NRXN1: variants seen among roughly 807,000 people sequenced by gnomAD.
NRXN1 encodes neurexin-1.
NRXN1 carries 39 observed loss-of-function variants against 150.9 expected under a neutral mutation model. The observed-to-expected ratio is 0.26, with a 90% confidence interval of 0.20 to 0.34. NRXN1 has a LOEUF of 0.34. Among genes scored for constraint, NRXN1 ranks in the 10% least tolerant of loss-of-function variants. The probability of loss-of-function intolerance (pLI) is 1.00; values close to 1 mark genes in which losing one functional copy is unlikely to be tolerated. For synonymous variants in NRXN1, 924 were observed against 757.0 expected, an observed-to-expected ratio of 1.22 and a Z score of -3.62; for missense variants, 1,815 against 1,949.9, an observed-to-expected ratio of 0.93 and a Z score of 1.30.
chr2:50,206,054 A>G (rs569442630), intron 18 of NRXN1, among the ~76,000 whole-genome samples: 1 of 152,206 alleles, frequency 6.6e-6, no homozygotes, highest in African/African-American at 2.4e-5. Flanking sequence ...ACATTGAGTA[A>G]ATCACATTGT....
At chr2:51,020,764 A>G (rs1558599694) in intron 2 of NRXN1, among the ~76,000 whole-genome samples, 3 of 151,990 alleles carry the variant, frequency 2.0e-5, no homozygotes, top group Admixed American at 1.3e-4. Context: ...TAAGATGTAA[A>G]GTCCCACCTG....
intron 15 of NRXN1, among the ~76,000 whole-genome samples, chr2:50,483,241 T>C (rs926354213): frequency 3.3e-5 from 5 of 152,032 alleles, no homozygotes; most frequent in Non-Finnish European, 5.9e-5. Context: ...TTACCCTATA[T>C]GGCTTAAAAA....
intron 5 of NRXN1, among the ~76,000 whole-genome samples, chr2:50,790,083 T>C (rs1187104138): frequency 1.3e-5 from 2 of 151,950 alleles, no homozygotes; most frequent in African/African-American, 4.8e-5. Context: ...AGTATCAGCC[T>C]AAAAGGCCAA....
intron 17 of NRXN1, among the ~76,000 whole-genome samples, chr2:50,375,032 A>G (rs2080378531): frequency 1.3e-5 from 2 of 152,196 alleles, no homozygotes; most frequent in Non-Finnish European, 2.9e-5. Context: ...CAGTGCCCTA[A>G]AAATAAGTGC....
intron 16 of NRXN1, among the ~76,000 whole-genome samples, chr2:50,471,431 T>G (rs1003599615): frequency 4.0e-5 from 6 of 151,858 alleles, no homozygotes; most frequent in African/African-American, 1.4e-4. Flanking sequence ...ACAAAAGACA[T>G]TATTTTGTTC....
chr2:50,093,138 C>T (rs2152699991), intron 18 of NRXN1, among the ~76,000 whole-genome samples: 1 of 152,078 alleles, frequency 6.6e-6, no homozygotes, highest in East Asian at 1.9e-4. Flanking sequence ...TTAAAAAAAT[C>T]TCCATAAGTC....
chr2:50,593,955 A>C lies in NRXN1; in HGVS notation c.1320+26067T>G, dbSNP rs372743439. The stretch of plus-strand genomic sequence containing the variant: ...ATTGTAAAAAAGAAATATATTAATA[A>C]ACATTGATACATTATTTTGAAATTG... On this transcript the variant is annotated intron_variant, in intron 8 of 22. Coordinates refer to ENST00000401669, the MANE Select transcript of NRXN1 (RefSeq NM_001330078.2). Among the ~76,000 whole-genome samples the C allele has an allele frequency of 5.3e-5, 8 of 152,356 alleles. 1 individual carries two copies. The highest frequency in any genetic ancestry group is 1.9e-4 in the African/African-American group (8 of 41,582).
chr2:50,814,757 T>C (rs1056718492), intron 5 of NRXN1, among the ~76,000 whole-genome samples: 2 of 152,236 alleles, frequency 1.3e-5, no homozygotes, highest in African/African-American at 4.8e-5. Flanking sequence ...AGGTATTTGA[T>C]ACATTTTATT....
intron 8 of NRXN1, among the ~76,000 whole-genome samples, chr2:50,565,657 T>A (rs537693150): frequency 1.3e-5 from 2 of 152,296 alleles, no homozygotes; most frequent in African/African-American, 4.8e-5. Flanking sequence ...TATTTTTTTT[T>A]AATTAAACAC....
chr2:50,218,106 C>T (rs2063528804), intron 18 of NRXN1, among the ~76,000 whole-genome samples: 1 of 152,016 alleles, frequency 6.6e-6, no homozygotes, highest in African/African-American at 2.4e-5. Context: ...TTATATGCTA[C>T]TATTATAAAT....
In NRXN1 at chr2:49,920,040, C is replaced by T. The variant is rs1449893403; in HGVS notation, c.*1904G>A. ...GTAATGCAACCAATTTTTCCTGAAA[C>T]ATCAACTTGCAATGTAATAATGCAT... is the stretch of plus-strand genomic sequence containing the variant. On this transcript the variant is annotated 3_prime_UTR_variant, in exon 23 of 23. Transcript: ENST00000401669. 6.6e-6 allele frequency: 1 copy of T among 152,134 alleles called. No homozygotes were observed. The highest frequency in any genetic ancestry group is 2.4e-5 in the African/African-American group (1 of 41,440). 9.4% of individuals were successfully genotyped at this position (152,134 alleles called of 1,614,324 possible).
chr2:50,690,140 G>T (rs1691865788), intron 5 of NRXN1, among the ~76,000 whole-genome samples: 2 of 152,064 alleles, frequency 1.3e-5, no homozygotes, highest in Non-Finnish European at 2.9e-5. Context: ...GCCTGCCTTA[G>T]CTTGTATTTT....
At chr2:50,434,546 T>C (rs1373799147) in intron 17 of NRXN1, among the ~76,000 whole-genome samples, 1 of 152,110 alleles carries the variant, frequency 6.6e-6, no homozygotes, top group Non-Finnish European at 1.5e-5. Context: ...ATATCCTGAA[T>C]GAGAAATGGC....
Position 50,538,291 on chromosome 2 carries a change from C to T in NRXN1, c.2105G>A (p.Cys702Tyr). The T allele has an allele frequency of 6.2e-7, 1 of 1,613,640 alleles. No individual in the cohort carries two copies. ...CCTGCCAAGATAGCCTGTTCCGGAA[C>T]AATCACAGACATATCTGTTCCACCC... ...RDGWNRYVCD[C>Y]SGTGYLGRSC... The change falls in exon 10 of 23, where the codon TGT (cysteine) becomes TAT (tyrosine). Residue 702 changes from cysteine (C) to tyrosine (Y), a missense_variant. Coordinates refer to ENST00000401669, the MANE Select transcript of NRXN1 (RefSeq NM_001330078.2).
intron 18 of NRXN1, among the ~76,000 whole-genome samples, chr2:50,097,859 G>A (rs1001604260): frequency 1.3e-5 from 2 of 151,954 alleles, no homozygotes; most frequent in South Asian, 2.1e-4. Context: ...GGCTGGTCTC[G>A]AAATCCTGAC....
At chr2:50,554,854 T>C (rs1232796966) in intron 8 of NRXN1, among the ~76,000 whole-genome samples, 1 of 152,172 alleles carries the variant, frequency 6.6e-6, no homozygotes, top group Non-Finnish European at 1.5e-5. Context: ...CCCTTATTCT[T>C]TGAACAAATA....
intron 17 of NRXN1, among the ~76,000 whole-genome samples, chr2:50,382,454 T>A (rs2081040019): frequency 6.6e-6 from 1 of 152,154 alleles, no homozygotes. Context: ...TCAGAGGGAA[T>A]ATTTACACCA....
intron 15 of NRXN1, 49 bp downstream of exon 15, chr2:50,495,856 G>T: frequency 6.8e-7 from 1 of 1,479,290 alleles, no homozygotes; most frequent in Non-Finnish European, 9.1e-7. Context: ...CCATGTGAAG[G>T]GAGACCGTGT....
At chr2:50,688,828 G>C (rs768111082) in intron 5 of NRXN1, among the ~76,000 whole-genome samples, 2 of 152,080 alleles carry the variant, frequency 1.3e-5, no homozygotes, top group East Asian at 3.9e-4. Flanking sequence ...AATCTTCAGG[G>C]CCACCAGAAA....
Sources: gnomAD v4.1 joint callset for allele counts (sites outside exome capture counted in the v4.1 genomes callset) on GRCh38, gnomAD v4.1.1 for gene constraint, MANE v1.5 for transcripts, NCBI Gene and HGNC (gene_info 2026-07-23, HGNC 2026-07-21) for gene names.